The following CDH13 variants were observed in gnomAD, a reference collection of about 807,000 sequenced individuals.
CDH13 encodes the protein cadherin-13.
A neutral mutation model predicts 63.8 loss-of-function variants in CDH13; 24 were observed. The ratio of observed to expected loss-of-function variants is 0.38; its 90% CI spans 0.27 to 0.53. The LOEUF is 0.53. Among genes scored for constraint, CDH13 ranks in the 20% least tolerant of loss-of-function variants. The pLI, the probability that CDH13 is intolerant of heterozygous loss-of-function variation, is 0.85. For missense variants in CDH13, 1,049 were observed against 903.1 expected, an observed-to-expected ratio of 1.16 and a Z score of -2.07; for synonymous variants, 503 against 355.3, an observed-to-expected ratio of 1.42 and a Z score of -4.67.
chr16:83,007,207 C>G (rs1314955114), intron 2 of CDH13, among the ~76,000 whole-genome samples: 1 of 152,142 alleles, frequency 6.6e-6, no homozygotes, highest in Non-Finnish European at 1.5e-5. Context: ...CAGGCATGAG[C>G]CACCGCGCCC....
intron 6 of CDH13, among the ~76,000 whole-genome samples, chr16:83,480,175 G>T (rs776432300): frequency 6.6e-6 from 1 of 152,134 alleles, no homozygotes; most frequent in Non-Finnish European, 1.5e-5. Context: ...AATTAGCCAG[G>T]CATAGTGGTG....
chr16:83,282,784 G>A (rs1375989257), intron 5 of CDH13, among the ~76,000 whole-genome samples: 2 of 152,196 alleles, frequency 1.3e-5, no homozygotes, highest in Admixed American at 1.3e-4. Context: ...ACATTGCATT[G>A]CTTCCTCATT....
intron 1 of CDH13, among the ~76,000 whole-genome samples, chr16:82,715,142 A>C (rs1358139882): frequency 6.6e-6 from 1 of 150,944 alleles, no homozygotes; most frequent in African/African-American, 2.4e-5. Flanking sequence ...TTATTAACTC[A>C]CTCAGTTCAT....
intron 10 of CDH13, chr16:83,735,671 A>T (rs749148100): frequency 6.6e-5 from 10 of 152,194 alleles, no homozygotes; most frequent in Non-Finnish European, 1.5e-4. Flanking sequence ...ATCCTCGTAG[A>T]ACCCTACATC....
chr16:83,721,272 T>C (rs1909659039), intron 10 of CDH13: 1 of 152,210 alleles, frequency 6.6e-6, no homozygotes, highest in Non-Finnish European at 1.5e-5. Flanking sequence ...CTCAGTGGAT[T>C]GGAGAATTGA....
At chr16:83,510,926 C>G (rs2151603032) in intron 7 of CDH13, among the ~76,000 whole-genome samples, 2 of 152,356 alleles carry the variant, frequency 1.3e-5, no homozygotes. Flanking sequence ...CCCTTGAAAA[C>G]TTTAGACTGA....
At chr16:83,556,973 AC>A (rs1250440852) in intron 7 of CDH13, among the ~76,000 whole-genome samples, 1 of 151,812 alleles carries the variant, frequency 6.6e-6, no homozygotes, top group Non-Finnish European at 1.5e-5. Flanking sequence ...GGGGTCCCCG[AC>A]CCCCAGGCCT....
At chr16:82,828,340 G>A (rs1019653275) in intron 1 of CDH13, among the ~76,000 whole-genome samples, 4 of 152,146 alleles carry the variant, frequency 2.6e-5, no homozygotes, top group Non-Finnish European at 4.4e-5. Flanking sequence ...TCCTCTGGCC[G>A]AGTGTGGTGG....
At chr16:83,027,196 G>C (rs1333889454) in intron 2 of CDH13, among the ~76,000 whole-genome samples, 2 of 143,842 alleles carry the variant, frequency 1.4e-5, no homozygotes, top group Non-Finnish European at 3.0e-5. Flanking sequence ...AATTATTACT[G>C]ATGGCCTCCC....
At chr16:83,114,950 C>A (rs2035225884) in intron 3 of CDH13, among the ~76,000 whole-genome samples, 1 of 152,190 alleles carries the variant, frequency 6.6e-6, no homozygotes, top group Non-Finnish European at 1.5e-5. Flanking sequence ...TTCTGCAGTT[C>A]CATTCATTTG....
At chr16:83,514,574 G>A (rs8062490) in intron 7 of CDH13, among the ~76,000 whole-genome samples, 58,891 of 152,020 alleles carry the variant, frequency 0.39, 12,006 homozygotes, top group East Asian at 0.47. Flanking sequence ...GAACCTGGGA[G>A]GTGGAGGTTG....
chr16:83,738,226 G>A (rs1337609432), intron 10 of CDH13, among the ~76,000 whole-genome samples: 1 of 152,166 alleles, frequency 6.6e-6, no homozygotes, highest in Admixed American at 6.5e-5. Flanking sequence ...AAAACTGGAG[G>A]GAATACACTG....
At chr16:82,746,376 C>T (rs2151062562) in intron 1 of CDH13, among the ~76,000 whole-genome samples, 1 of 151,998 alleles carries the variant, frequency 6.6e-6, no homozygotes, top group East Asian at 1.9e-4. Flanking sequence ...AAAATCTAGG[C>T]AAACCTGAGA....
At chr16:83,686,926 T>TGACCGAATGCGGTG (rs1168214762) in intron 10 of CDH13, among the ~76,000 whole-genome samples, 3 of 152,186 alleles carry the variant, frequency 2.0e-5, no homozygotes, top group Admixed American at 6.5e-5. Context: ...AGACATGGGT[T>TGACCGAATGCGGTG]GACCGAATGC....
intron 8 of CDH13, among the ~76,000 whole-genome samples, chr16:83,626,919 A>T (rs1910358614): frequency 6.6e-6 from 1 of 151,926 alleles, no homozygotes; most frequent in African/African-American, 2.4e-5. Context: ...TGGTGTTCTG[A>T]CAACATCCTA....
chr16:83,610,054 A>T (rs1046676161), intron 8 of CDH13, among the ~76,000 whole-genome samples: 1 of 152,092 alleles, frequency 6.6e-6, no homozygotes, highest in African/African-American at 2.4e-5. Flanking sequence ...TTAGTACTTC[A>T]TTTCTTTGTG....
At chr16:83,224,513 C>T (rs11150552) in intron 5 of CDH13, among the ~76,000 whole-genome samples, 18,900 of 152,210 alleles carry the variant, frequency 0.12, 1,415 homozygotes, top group Non-Finnish European at 0.17. Flanking sequence ...TCATTAGGGT[C>T]CTATCAATCA....
chr16:83,637,298 T>C (rs1911352579), intron 8 of CDH13, among the ~76,000 whole-genome samples: 1 of 60,112 alleles, frequency 1.7e-5, no homozygotes, highest in Admixed American at 2.1e-4. Flanking sequence ...GGTCTACAGC[T>C]CCCAGCGTGA....
At chr16:83,662,849 C>T (rs1913567823) in intron 8 of CDH13, among the ~76,000 whole-genome samples, 1 of 152,270 alleles carries the variant, frequency 6.6e-6, no homozygotes, top group African/African-American at 2.4e-5. Flanking sequence ...TTGATGGGAA[C>T]AGAGGTTCCA....
Sources: gnomAD v4.1 joint callset for allele counts (sites outside exome capture counted in the v4.1 genomes callset) on GRCh38, gnomAD v4.1.1 for gene constraint, MANE v1.5 for transcripts, NCBI Gene and HGNC (gene_info 2026-07-23, HGNC 2026-07-21) for gene names.